GNRH1: variants seen among roughly 807,000 people sequenced by gnomAD.
GNRH1 encodes the protein gonadotropin releasing hormone 1.
GNRH1 carries 9 observed loss-of-function variants against 13.6 expected under a neutral mutation model. That is an observed-to-expected ratio of 0.66 (90% confidence interval 0.40 to 1.15). The LOEUF (loss-of-function observed/expected upper bound fraction) is 1.15, where lower values mean the gene tolerates loss of function less well. Among genes scored for constraint, GNRH1 ranks in the 50% most tolerant of loss-of-function variants. The pLI, the probability that GNRH1 is intolerant of heterozygous loss-of-function variation, is 0.01. For synonymous variants in GNRH1, 44 were observed against 40.1 expected, an observed-to-expected ratio of 1.10 and a Z score of -0.37; for missense variants, 116 against 110.8, an observed-to-expected ratio of 1.05 and a Z score of -0.21.
Position 25,419,351 on chromosome 8 carries a change from T to C in GNRH1, c.*68A>G, listed in dbSNP as rs991805536. On this transcript the variant is annotated 3_prime_UTR_variant, in exon 4 of 4. Transcript: ENST00000421054. ...CCATTTACAGGTATTTAATGGGTTA[T>C]AAATTTTCAATGTCAGAATTATACT... The C allele has an allele frequency of 1.1e-6, 1 of 872,318 alleles. No individual in the cohort carries two copies. The highest frequency in any genetic ancestry group is 2.4e-5 in the East Asian group (1 of 41,570). 54.0% of individuals were successfully genotyped at this position (872,318 alleles called of 1,614,324 possible).
intron 2 of GNRH1, among the ~76,000 whole-genome samples, chr8:25,422,519 G>A (rs1014230070): frequency 6.6e-6 from 1 of 152,136 alleles, no homozygotes; most frequent in Non-Finnish European, 1.5e-5. Flanking sequence ...CTAAATTCCA[G>A]CCTAGATAAC....
At chr8:25,423,622 T>A (rs1210398476) in intron 1 of GNRH1, 3 of 392,730 alleles carry the variant, frequency 7.6e-6, no homozygotes, top group African/African-American at 6.1e-5. Flanking sequence ...ACCCCATAAT[T>A]CATCCCTTAT....
At chr8:25,422,875 T>G (rs948750962) in intron 2 of GNRH1, among the ~76,000 whole-genome samples, 3 of 152,180 alleles carry the variant, frequency 2.0e-5, no homozygotes, top group Admixed American at 6.5e-5. Context: ...TCCCAAAGAA[T>G]CATCTTCTGA....
chr8:25,422,284 CA>C (rs893377237), intron 2 of GNRH1, among the ~76,000 whole-genome samples: 1 of 152,068 alleles, frequency 6.6e-6, no homozygotes, highest in Non-Finnish European at 1.5e-5. Context: ...ATTTTATAAA[CA>C]AAAATCCTCC....
chr8:25,423,119 A>G, intron 2 of GNRH1, 71 bp downstream of exon 2: 2 of 1,107,950 alleles, frequency 1.8e-6, no homozygotes, highest in Non-Finnish European at 2.8e-6. Context: ...CATTGGGGCT[A>G]TCCTGAATGT....
At position 25,422,021 on chromosome 8, in the gene GNRH1, T is replaced by C. The variant is rs767905457; in HGVS notation, c.142-353A>G. ...AGTTGTAAAAAAAGGTTGGTTTTTA[T>C]TTTCTAGGTTTTACTAAATATGTTA... On this transcript the variant is annotated intron_variant, in intron 2 of 3. Coordinates refer to ENST00000421054, the MANE Select transcript of GNRH1 (RefSeq NM_001083111.2). 9.5e-4 allele frequency among the ~76,000 whole-genome samples: 145 copies of C among 152,338 alleles called. 1 individual carries two copies. The highest frequency in any genetic ancestry group is 3.4e-3 in the Middle Eastern group (1 of 294).
At chr8:25,420,947 T>C (rs985378118) in intron 3 of GNRH1, among the ~76,000 whole-genome samples, 2 of 152,202 alleles carry the variant, frequency 1.3e-5, no homozygotes, top group Non-Finnish European at 2.9e-5. Context: ...CTTTATACTT[T>C]TTCATCAAAA....
intron 3 of GNRH1, among the ~76,000 whole-genome samples, chr8:25,421,174 A>G: frequency 6.6e-6 from 1 of 152,158 alleles, no homozygotes; most frequent in Non-Finnish European, 1.5e-5. Context: ...AAGATAAAGC[A>G]CAGTTGCAGG....
chr8:25,423,374 T>C lies in GNRH1; in HGVS notation c.-1-43A>G. Reference sequence around the variant, plus strand: ...ACAATCAAATTAGATCCAGACAAGGTTGAGTATAAACTAAAAGACCTCTTT... The same window carrying C: ...ACAATCAAATTAGATCCAGACAAGGCTGAGTATAAACTAAAAGACCTCTTT... On this transcript the variant is annotated intron_variant, in intron 1 of 3. Transcript: ENST00000421054. 5.0e-6 allele frequency: 8 copies of C among 1,587,826 alleles called. 1 individual carries two copies. Among genetic ancestry groups the C allele is most frequent in the Middle Eastern group, 1.7e-4 (1 of 6,020 alleles).
At chr8:25,419,625 GTT>G (rs371851426) in intron 3 of GNRH1, among the ~76,000 whole-genome samples, 165 bp from the exon 4 acceptor site, 2 of 142,144 alleles carry the variant, frequency 1.4e-5, no homozygotes, top group Non-Finnish European at 1.5e-5. Flanking sequence ...TGTTTTTCTG[GTT>G]TTTTTTTTTT....
At chr8:25,423,092 A>C in intron 2 of GNRH1, 98 bp downstream of exon 2, 1 of 937,788 alleles carries the variant, frequency 1.1e-6, no homozygotes, top group Non-Finnish European at 1.7e-6. Flanking sequence ...CTAGGGTACA[A>C]CATCATAGAA....
chr8:25,421,766 GATGTGGGGC>G, intron 2 of GNRH1, 98 bp from the exon 3 acceptor site: 2 of 410,380 alleles, frequency 4.9e-6, no homozygotes, highest in Non-Finnish European at 5.0e-6. Flanking sequence ...GGTCAAGGGG[GATGTGGGGC>G]TGGGGGAGAT....
At chr8:25,424,522 TC>T (rs1381347381), upstream of GNRH1, 1 of 152,166 alleles carries the variant, frequency 6.6e-6, no homozygotes, top group Non-Finnish European at 1.5e-5. Context: ...GAGATTAAAA[TC>T]CAGCTAGATT....
intron 2 of GNRH1, among the ~76,000 whole-genome samples, chr8:25,422,132 T>A (rs549450609): frequency 1.3e-5 from 2 of 152,330 alleles, no homozygotes; most frequent in Admixed American, 6.5e-5. Context: ...TTATCTTTAT[T>A]ATTTCTCAGA....
chr8:25,420,382 C>CAAG (rs143948476), intron 3 of GNRH1, among the ~76,000 whole-genome samples: 1 of 47,016 alleles, frequency 2.1e-5, no homozygotes, highest in African/African-American at 1.1e-4. Context: ...CCACTGCACT[C>CAAG]CAAAAAAAAC....
intron 2 of GNRH1, among the ~76,000 whole-genome samples, chr8:25,422,456 G>C (rs1279054650): frequency 1.3e-5 from 2 of 152,150 alleles, no homozygotes; most frequent in African/African-American, 4.8e-5. Flanking sequence ...GCTGAGGTGG[G>C]AGGATCACTT....
intron 3 of GNRH1, among the ~76,000 whole-genome samples, chr8:25,420,332 T>C (rs1355424117): frequency 8.3e-6 from 1 of 120,308 alleles, no homozygotes; most frequent in Non-Finnish European, 1.7e-5. Context: ...GAGAATCGCT[T>C]GAACCCAGGA....
Position 25,423,249 on chromosome 8 carries a change from A to T in GNRH1, c.82T>A (p.Tyr28Asn). 2 of 1,612,422 alleles carry T rather than the reference A, an allele frequency of 1.2e-6. No homozygotes were observed. Among genetic ancestry groups the T allele is most frequent in the Non-Finnish European group, 1.7e-6 (2 of 1,178,412 alleles). Residue 28 changes from tyrosine (Y) to asparagine (N), a missense_variant, in exon 2 of 4, where the codon TAT becomes AAT. Physicochemically the swap from Tyr to Asn is moderately radical, Grantham distance 143. Coordinates refer to ENST00000421054, the MANE Select transcript of GNRH1 (RefSeq NM_001083111.2). ...CTCTTTCCTCCAGGGCGCAGTCCAT[A>T]GGACCAGTGCTGGCTGGAGCAGCCT... is the stretch of plus-strand genomic sequence containing the variant. The part of the protein sequence containing the change: ...VEGCSSQHWS[Y>N]GLRPGGKRDA...
rs6186 is a variant in GNRH1, at chr8:25,421,627, G to A, written c.183C>T (p.Phe61=). Residue 61 remains phenylalanine (F), a synonymous_variant, in exon 3 of 4, where the codon TTC becomes TTT. Coordinates refer to ENST00000421054, the MANE Select transcript of GNRH1 (RefSeq NM_001083111.2). ...EVGQLAETQR[F]ECTTHQPRSP... is the part of the protein sequence containing the mutation. ...AACGTGGCTGGTGCGTGGTGCATTC[G>A]AAGCGTTGGGTTTCTGCCAGTTGAC... 6.4e-3 allele frequency: 10,326 copies of A among 1,606,116 alleles called. 86 individuals are homozygous for A. Among genetic ancestry groups the A allele is most frequent in the African/African-American group, 0.037 (2,745 of 74,780 alleles).
Sources: gnomAD v4.1 joint callset for allele counts (sites outside exome capture counted in the v4.1 genomes callset) on GRCh38, gnomAD v4.1.1 for gene constraint, MANE v1.5 for transcripts, NCBI Gene and HGNC (gene_info 2026-07-23, HGNC 2026-07-21) for gene names.